The following RLF variants were observed in gnomAD, a reference collection of about 807,000 sequenced individuals.
RLF encodes RLF zinc finger.
Under a neutral mutation model 162.9 loss-of-function variants are expected in RLF, and 7 were observed. That is an observed-to-expected ratio of 0.04 (90% CI 0.02 to 0.08). RLF has a LOEUF of 0.08. Among genes scored for constraint, RLF ranks in the 10% least tolerant of loss-of-function variants. RLF has a pLI of 1.00. For missense variants in RLF, 1,664 were observed against 2,244.7 expected, an observed-to-expected ratio of 0.74 and a Z score of 5.23; for synonymous variants, 782 against 791.5, an observed-to-expected ratio of 0.99 and a Z score of 0.20.
At chr1:40,224,781 G>A (rs1643045635) in intron 6 of RLF, among the ~76,000 whole-genome samples, 1 of 149,634 alleles carries the variant, frequency 6.7e-6, no homozygotes, top group Non-Finnish European at 1.5e-5. Context: ...AAGGTCAGGA[G>A]TTCAAGACCA....
In RLF at chr1:40,198,212, AGGCTGGTCTC is replaced by A. The variant is rs1412778936; in HGVS notation, c.607+2450_607+2459del. Among the ~76,000 whole-genome samples the A allele has an allele frequency of 8.6e-5, 13 of 150,406 alleles. 1 individual carries two copies. Among genetic ancestry groups the A allele is most frequent in the East Asian group, 3.9e-4 (2 of 5,126 alleles). ...GAGATGGGGTTTCTCCATGTTGGTCAGGCTGGTCTCGAACTCCTGACCTCAGGTGATCTGC... is the reference window on the plus strand; with the variant it reads ...GAGATGGGGTTTCTCCATGTTGGTCAGAACTCCTGACCTCAGGTGATCTGC... On this transcript the variant is annotated intron_variant, in intron 4 of 7. Transcript: ENST00000372771.
At chr1:40,229,322 A>G (rs1643122655) in intron 6 of RLF, among the ~76,000 whole-genome samples, 1 of 152,128 alleles carries the variant, frequency 6.6e-6, no homozygotes, top group African/African-American at 2.4e-5. Context: ...GGCCTATCTC[A>G]ATTTTCACTT....
In RLF at chr1:40,231,666, C is replaced by T; in HGVS notation, c.1089+8C>T. 2.5e-6 allele frequency: 4 copies of T among 1,602,572 alleles called. No individual in the cohort carries two copies. The highest frequency in any genetic ancestry group is 3.4e-6 in the Non-Finnish European group (4 of 1,175,374). On this transcript the variant is annotated splice_region_variant and intron_variant, in intron 7 of 7. Coordinates refer to ENST00000372771, the MANE Select transcript of RLF (RefSeq NM_012421.4). Reference sequence around the variant, plus strand: ...AGAGTTATACAAACTGAAGTGAGTACTTTATGCCTTCTCTGCTAACTGTAG... The same window carrying T: ...AGAGTTATACAAACTGAAGTGAGTATTTTATGCCTTCTCTGCTAACTGTAG...
At chr1:40,172,034 C>T (rs1459702461) in intron 1 of RLF, among the ~76,000 whole-genome samples, 4 of 152,080 alleles carry the variant, frequency 2.6e-5, no homozygotes, top group East Asian at 3.9e-4. Flanking sequence ...CATCTTTTCA[C>T]GTAGAATATG....
At position 40,239,105 on chromosome 1, in the gene RLF, G is replaced by T. The variant is rs751244254; in HGVS notation, c.4403G>T (p.Arg1468Leu). Residue 1468 changes from arginine (R) to leucine (L), a missense_variant, in exon 8 of 8, where the codon CGA (arginine) becomes CTA (leucine). Arg to Leu is a moderately radical substitution (Grantham distance 102). Transcript: ENST00000372771. ...RSNYSQHVYY[R>L]HKDYYDDLFR... ...AATTACTCACAACATGTATATTACCGACATAAAGACTATTATGATGATTTG... is the reference window on the plus strand; with the variant it reads ...AATTACTCACAACATGTATATTACCTACATAAAGACTATTATGATGATTTG... 3.7e-6 allele frequency: 6 copies of T among 1,614,028 alleles called. No individual in the cohort carries two copies. Among genetic ancestry groups the T allele is most frequent in the Non-Finnish European group, 5.1e-6 (6 of 1,179,996 alleles).
intron 3 of RLF, among the ~76,000 whole-genome samples, chr1:40,194,455 C>A (rs111909721): frequency 6.6e-6 from 1 of 151,974 alleles, no homozygotes. Context: ...CCAGGACCAA[C>A]GTGGCAAAAC....
chr1:40,205,867 C>T (rs2124544874), intron 5 of RLF, among the ~76,000 whole-genome samples: 1 of 152,246 alleles, frequency 6.6e-6, no homozygotes. Context: ...CTAATGATGA[C>T]TTTCAGTTTT....
Position 40,237,530 on chromosome 1 carries a change from C to G in RLF, c.2828C>G (p.Ser943Cys). ...CCCTCCAGTTTAAAAGAAAAATGTT[C>G]CAGTATGGCAGTTTGTTTTGACGGG... The part of the protein sequence containing the change: ...FGPSSLKEKC[S>C]SMAVCFDGTK... Residue 943 changes from serine to cysteine, a missense_variant, in exon 8 of 8, where the codon TCC (serine) becomes TGC (cysteine). Coordinates refer to ENST00000372771, the MANE Select transcript of RLF (RefSeq NM_012421.4). The surrounding 1 kb of genome is among the most constrained non-coding windows in gnomAD (Gnocchi z 4.4). The G allele has an allele frequency of 6.8e-6, 11 of 1,613,940 alleles. No homozygotes were observed. The highest frequency in any genetic ancestry group is 8.5e-6 in the Non-Finnish European group (10 of 1,179,996).
intron 1 of RLF, among the ~76,000 whole-genome samples, chr1:40,175,776 C>T (rs1198832642): frequency 1.4e-5 from 2 of 145,100 alleles, no homozygotes; most frequent in African/African-American, 2.6e-5. Context: ...CAGAACAAGA[C>T]TCCATCTCAA....
chr1:40,197,708 G>A (rs999259329), intron 4 of RLF, among the ~76,000 whole-genome samples: 1 of 152,074 alleles, frequency 6.6e-6, no homozygotes, highest in Non-Finnish European at 1.5e-5. Flanking sequence ...CTCTGAATAG[G>A]TACATGATAC....
In RLF at chr1:40,222,628, G is replaced by C; in HGVS notation, c.865G>C (p.Glu289Gln). 6.2e-7 allele frequency: 1 copy of C among 1,613,596 alleles called. No individual in the cohort carries two copies. The highest frequency in any genetic ancestry group is 1.1e-5 in the South Asian group (1 of 91,068). Residue 289 changes from glutamate to glutamine, a missense_variant, in exon 6 of 8, where the codon GAG becomes CAG. By Grantham distance (29) the Glu-to-Gln change is conservative. This residue lies in a region of RLF where 287 missense variants were observed against 404.9 expected (regional missense o/e 0.71). Transcript: ENST00000372771. ...VLDIICNLES[E>Q]GQDNTAFVLC... ...AGACATCATTTGTAATCTGGAATCT[G>C]AGGGGCAGGATAACACAGCATTTGT...
chr1:40,161,883 C>T lies in RLF; in HGVS notation c.237+247C>T, dbSNP rs1570505565. Among the ~76,000 whole-genome samples the T allele has an allele frequency of 6.6e-6, 1 of 152,114 alleles. No individual in the cohort carries two copies. The highest frequency in any genetic ancestry group is 1.5e-5 in the Non-Finnish European group (1 of 68,020). On this transcript the variant is annotated intron_variant, in intron 1 of 7. Coordinates refer to ENST00000372771, the MANE Select transcript of RLF (RefSeq NM_012421.4). This position sits in a 1 kb window ranked among gnomAD's most constrained non-coding sequence, Gnocchi z 4.4. ...GAGATCCCGGAGGGCCCTGGCGGGT[C>T]CCTGGAAGGGCTGTGCCCTGTCGCC...
chr1:40,189,993 T>A (rs1642535057), intron 2 of RLF, among the ~76,000 whole-genome samples: 1 of 152,218 alleles, frequency 6.6e-6, no homozygotes, highest in Admixed American at 6.5e-5. Context: ...CTAGATGGTT[T>A]ATTTTATTTT....
intron 1 of RLF, among the ~76,000 whole-genome samples, chr1:40,170,840 A>G (rs1465550571): frequency 1.3e-5 from 2 of 152,120 alleles, no homozygotes; most frequent in African/African-American, 4.8e-5. Context: ...TTATAGGTTT[A>G]CCTATATTGC....
chr1:40,161,432 C>A lies in RLF; in HGVS notation c.33C>A (p.Val11=). The change falls in exon 1 of 8, where the codon GTC becomes GTA. Residue 11 remains valine (V), a synonymous_variant. Coordinates refer to ENST00000372771, the MANE Select transcript of RLF (RefSeq NM_012421.4). This position sits in a 1 kb window ranked among gnomAD's most constrained non-coding sequence, Gnocchi z 4.4. MADGKGDAAA[V]AGAGAEAPAV... ...ACGGAAAGGGAGACGCCGCCGCTGT[C>A]GCCGGGGCTGGGGCTGAGGCTCCGG... The A allele has an allele frequency of 6.4e-7, 1 of 1,557,550 alleles. No homozygotes were observed. Among genetic ancestry groups the A allele is most frequent in the Non-Finnish European group, 8.6e-7 (1 of 1,157,018 alleles).
At chr1:40,230,328 C>G (rs1553176612) in intron 6 of RLF, among the ~76,000 whole-genome samples, 1 of 152,086 alleles carries the variant, frequency 6.6e-6, no homozygotes, top group Admixed American at 6.6e-5. Flanking sequence ...TGAAAAAGTA[C>G]AGATTTTTAA....
intron 2 of RLF, 117 bp downstream of exon 2, chr1:40,189,326 C>A: frequency 1.3e-6 from 1 of 768,934 alleles, no homozygotes; most frequent in Non-Finnish European, 2.0e-6. Context: ...AGAGTCATAC[C>A]ATTGAATGAA....
intron 5 of RLF, among the ~76,000 whole-genome samples, chr1:40,204,102 T>G (rs114688391): frequency 0.051 from 7,638 of 150,024 alleles, 574 homozygotes; most frequent in African/African-American, 0.17. Context: ...GCGCGATCTT[T>G]GCTCCTGGGT....
chr1:40,208,986 AT>A (rs1381236102), intron 5 of RLF, among the ~76,000 whole-genome samples: 1 of 152,202 alleles, frequency 6.6e-6, no homozygotes, highest in African/African-American at 2.4e-5. Flanking sequence ...CACACATCTC[AT>A]GTACATGATC....
Sources: gnomAD v4.1 joint callset for allele counts (sites outside exome capture counted in the v4.1 genomes callset) on GRCh38, gnomAD v4.1.1 for gene constraint, gnomAD v4.1.1 regional missense constraint, Gnocchi (gnomAD v3.1) non-coding constraint, MANE v1.5 for transcripts, NCBI Gene and HGNC (gene_info 2026-07-23, HGNC 2026-07-21) for gene names.